The following CTNNA3 variants were observed in gnomAD, a reference collection of about 807,000 sequenced individuals.
CTNNA3 encodes catenin alpha-3.
A neutral mutation model predicts 95.7 loss-of-function variants in CTNNA3; 76 were observed. That is an observed-to-expected ratio of 0.79 (90% CI 0.66 to 0.96). The LOEUF (loss-of-function observed/expected upper bound fraction) is 0.96, where lower values mean the gene tolerates loss of function less well. Among genes scored for constraint, CTNNA3 ranks in the 40% least tolerant of loss-of-function variants. CTNNA3 has a pLI of 0.00. For synonymous variants in CTNNA3, 431 were observed against 374.4 expected, an observed-to-expected ratio of 1.15 and a Z score of -1.74; for missense variants, 1,191 against 1,089.8, an observed-to-expected ratio of 1.09 and a Z score of -1.31.
At chr10:67,693,897 A>T (rs984119252) in intron 1 of CTNNA3, among the ~76,000 whole-genome samples, 1 of 152,142 alleles carries the variant, frequency 6.6e-6, no homozygotes, top group African/African-American at 2.4e-5. Flanking sequence ...TTCCATTCTC[A>T]TGTTTTCCCT....
chr10:66,610,061 A>C (rs1004134677), intron 10 of CTNNA3, among the ~76,000 whole-genome samples: 19 of 152,170 alleles, frequency 1.2e-4, no homozygotes, highest in African/African-American at 4.3e-4. Context: ...ACACAGATGG[A>C]CACATAGAGG....
chr10:66,247,626 A>G (rs1261681715), intron 13 of CTNNA3, among the ~76,000 whole-genome samples: 1 of 152,188 alleles, frequency 6.6e-6, no homozygotes, highest in East Asian at 1.9e-4. Flanking sequence ...CATATAAGAG[A>G]GCTACATTAC....
rs185159402 is a variant in CTNNA3, at chr10:66,964,388, T to A, written c.1048-188864A>T. On this transcript the variant is annotated intron_variant, in intron 7 of 17. Transcript: ENST00000433211. ...ACTCTACCTTGTTTCTCTCATACTT[T>A]AAAATTACATACATTTTTAAACTGG... Among the ~76,000 whole-genome samples the A allele has an allele frequency of 2.0e-3, 307 of 152,300 alleles. 1 individual carries two copies. The highest frequency in any genetic ancestry group is 3.5e-3 in the Non-Finnish European group (238 of 68,028).
intron 13 of CTNNA3, among the ~76,000 whole-genome samples, chr10:66,149,944 C>A (rs1411869656): frequency 2.0e-5 from 3 of 152,110 alleles, no homozygotes; most frequent in Non-Finnish European, 2.9e-5. Context: ...AAAAGTTTTT[C>A]TTTTCCTTCT....
chr10:66,684,975 A>T (rs116421956), intron 9 of CTNNA3, among the ~76,000 whole-genome samples: 2,062 of 151,662 alleles, frequency 0.014, 59 homozygotes, highest in African/African-American at 0.043. Flanking sequence ...ACTATAACCA[A>T]TATGCAATTC....
At chr10:66,812,912 C>A (rs772604737) in intron 7 of CTNNA3, among the ~76,000 whole-genome samples, 2 of 152,138 alleles carry the variant, frequency 1.3e-5, no homozygotes, top group Non-Finnish European at 2.9e-5. Flanking sequence ...TACATATCCT[C>A]TTGAATATTA....
chr10:67,069,945 G>C (rs1024539968), intron 7 of CTNNA3, among the ~76,000 whole-genome samples: 1 of 152,074 alleles, frequency 6.6e-6, no homozygotes, highest in African/African-American at 2.4e-5. Flanking sequence ...TAGAATTACT[G>C]GGTCATGGGA....
At position 67,647,965 on chromosome 10, in the gene CTNNA3, G is replaced by A. The variant is rs1033678418; in HGVS notation, c.-5-447C>T. Among the ~76,000 whole-genome samples, 3 of 152,242 alleles carry A rather than the reference G, an allele frequency of 2.0e-5. No homozygotes were observed. In the East Asian group the frequency reaches 5.8e-4, roughly 29 times the overall value. ...ACAAGTAAACCTTTGAAAGACATGG[G>A]AACAAGTAAAGATATGTCCTTACTT... On this transcript the variant is annotated intron_variant, in intron 1 of 17. Transcript: ENST00000433211.
At chr10:66,586,011 T>C (rs1483355308) in intron 10 of CTNNA3, among the ~76,000 whole-genome samples, 1 of 152,118 alleles carries the variant, frequency 6.6e-6, no homozygotes, top group Non-Finnish European at 1.5e-5. Context: ...TCTGGGTGGT[T>C]TCAAGTGGCA....
At chr10:67,158,817 T>G (rs1037569005) in intron 7 of CTNNA3, among the ~76,000 whole-genome samples, 2 of 151,326 alleles carry the variant, frequency 1.3e-5, no homozygotes. Context: ...GTGTACTATA[T>G]AAATCACTAT....
intron 1 of CTNNA3, among the ~76,000 whole-genome samples, chr10:67,735,409 C>T (rs890706192): frequency 6.6e-6 from 1 of 151,896 alleles, no homozygotes. Context: ...AAAATAATAA[C>T]CATGATGACA....
Position 66,069,361 on chromosome 10 carries a change from A to T in CTNNA3, c.2106T>A (p.Ile702=). The change falls in exon 15 of 18, where the codon ATT becomes ATA. Residue 702 remains isoleucine (I), a synonymous_variant. Coordinates refer to ENST00000433211, the MANE Select transcript of CTNNA3 (RefSeq NM_013266.4). ...TCATACACATGTTCTTGGCCAGAAC[A>T]ATGATGTCGTTGCTTGTATCATCCC... ...EIWDDTSNDI[I]VLAKNMCMIM... The T allele has an allele frequency of 1.2e-6, 2 of 1,613,770 alleles. No individual in the cohort carries two copies. Among genetic ancestry groups the T allele is most frequent in the Non-Finnish European group, 1.7e-6 (2 of 1,179,770 alleles).
intron 12 of CTNNA3, among the ~76,000 whole-genome samples, chr10:66,350,927 G>A (rs1180833492): frequency 6.6e-6 from 1 of 151,952 alleles, no homozygotes; most frequent in East Asian, 1.9e-4. Context: ...ACACCAAATA[G>A]TCTTTAAATA....
intron 7 of CTNNA3, among the ~76,000 whole-genome samples, chr10:67,101,468 A>C (rs976695325): frequency 2.0e-5 from 3 of 151,766 alleles, no homozygotes; most frequent in Non-Finnish European, 4.4e-5. Flanking sequence ...TTATAAGAAA[A>C]ATAAAATATA....
At chr10:67,144,137 T>A in intron 7 of CTNNA3, among the ~76,000 whole-genome samples, 1 of 152,216 alleles carries the variant, frequency 6.6e-6, no homozygotes, top group Non-Finnish European at 1.5e-5. Flanking sequence ...AGGTGCATTG[T>A]CAATGAGCAA....
intron 10 of CTNNA3, among the ~76,000 whole-genome samples, chr10:66,548,509 A>G (rs1441155991): frequency 6.6e-6 from 1 of 152,082 alleles, no homozygotes; most frequent in Non-Finnish European, 1.5e-5. Context: ...TTTATTTCCA[A>G]TTCCAAAGGA....
chr10:67,590,518 C>T (rs995177610), intron 3 of CTNNA3, among the ~76,000 whole-genome samples: 1 of 152,080 alleles, frequency 6.6e-6, no homozygotes, highest in Admixed American at 6.6e-5. Flanking sequence ...TTCCCACAAG[C>T]AATGTTTAAA....
intron 7 of CTNNA3, among the ~76,000 whole-genome samples, chr10:67,062,542 T>C (rs533885188): frequency 6.6e-6 from 1 of 152,284 alleles, no homozygotes; most frequent in South Asian, 2.1e-4. Context: ...TGTCTGCGTG[T>C]AGATATGGGG....
intron 7 of CTNNA3, among the ~76,000 whole-genome samples, chr10:66,865,946 T>C (rs896518736): frequency 5.9e-5 from 9 of 152,180 alleles, no homozygotes; most frequent in Non-Finnish European, 1.2e-4. Context: ...TGATTTGTAA[T>C]GTGTTAATTT....
Sources: allele counts gnomAD v4.1 joint callset (sites outside exome capture counted in the v4.1 genomes callset), GRCh38; gene constraint gnomAD v4.1.1; transcripts MANE v1.5; gene names NCBI Gene and HGNC (gene_info 2026-07-23, HGNC 2026-07-21).